SHROOM3: variants seen among roughly 807,000 people sequenced by gnomAD.
SHROOM3 encodes protein Shroom3.
SHROOM3 carries 47 observed loss-of-function variants against 138.6 expected under a neutral mutation model. The observed-to-expected ratio is 0.34, with a 90% confidence interval of 0.27 to 0.43. The LOEUF (loss-of-function observed/expected upper bound fraction) is 0.43. Ranked by LOEUF, SHROOM3 falls within the 20% of genes least tolerant of loss-of-function variation. SHROOM3 has a pLI of 1.00. For synonymous variants in SHROOM3, 1,062 were observed against 1,063.3 expected (o/e 1.00, Z 0.02); for missense variants, 2,491 against 2,596.5 (o/e 0.96, Z 0.88).
intron 1 of SHROOM3, among the ~76,000 whole-genome samples, chr4:76,469,134 G>A (rs757625690): frequency 2.6e-5 from 4 of 151,870 alleles, no homozygotes; most frequent in South Asian, 2.1e-4. Context: ...CCTGGGAGGC[G>A]GAATTGCAGT....
At chr4:76,505,660 C>CTTT (rs201633763) in intron 1 of SHROOM3, among the ~76,000 whole-genome samples, 2 of 135,788 alleles carry the variant, frequency 1.5e-5, no homozygotes, top group African/African-American at 5.4e-5. Context: ...GGTATTGTGA[C>CTTT]TTTTTTTTTT....
intron 2 of SHROOM3, among the ~76,000 whole-genome samples, chr4:76,650,947 G>A (rs1262544363): frequency 1.3e-5 from 2 of 152,122 alleles, no homozygotes; most frequent in Non-Finnish European, 2.9e-5. Context: ...GTACTATTTA[G>A]CCATGAAAAA....
At chr4:76,469,057 C>T (rs983997745) in intron 1 of SHROOM3, among the ~76,000 whole-genome samples, 2 of 150,894 alleles carry the variant, frequency 1.3e-5, no homozygotes, top group African/African-American at 2.4e-5. Flanking sequence ...AAAAAATTAG[C>T]CGGACATGGT....
chr4:76,686,454 TACA>T (rs1719340433), intron 2 of SHROOM3, among the ~76,000 whole-genome samples: 2 of 152,214 alleles, frequency 1.3e-5, no homozygotes, highest in Non-Finnish European at 2.9e-5. Context: ...TTTTTAAATA[TACA>T]ATTAATTAAA....
intron 2 of SHROOM3, among the ~76,000 whole-genome samples, chr4:76,583,040 T>G (rs1009271204): frequency 6.6e-6 from 1 of 152,162 alleles, no homozygotes; most frequent in Non-Finnish European, 1.5e-5. Context: ...GAGGAACAGA[T>G]GCGTTTGTTT....
chr4:76,606,013 T>A (rs200111308), intron 2 of SHROOM3, among the ~76,000 whole-genome samples: 13,781 of 100,052 alleles, frequency 0.14, 406 homozygotes, highest in East Asian at 0.23. Flanking sequence ...ATATATTTTT[T>A]TTTTTTTTTT....
At chr4:76,673,837 C>T (rs545108046) in intron 2 of SHROOM3, among the ~76,000 whole-genome samples, 6 of 152,282 alleles carry the variant, frequency 3.9e-5, no homozygotes, top group East Asian at 3.9e-4. Flanking sequence ...AAACAACCCC[C>T]GTGTCCCCAC....
At position 76,493,153 on chromosome 4, in the gene SHROOM3, G is replaced by A. The variant is rs550105587; in HGVS notation, c.168+56933G>A. On this transcript the variant is annotated intron_variant, in intron 1 of 10. Transcript: ENST00000296043. ...GGAGAATTGCTTGAACTCGAGAGGC[G>A]GCGGTTGCAGTGAGCCAAGATCGTG... 3.3e-5 allele frequency among the ~76,000 whole-genome samples: 5 copies of A among 150,176 alleles called. No individual in the cohort carries two copies. The East Asian group carries it at 7.8e-4, about 24-fold the overall frequency.
intron 1 of SHROOM3, among the ~76,000 whole-genome samples, chr4:76,520,747 GT>G (rs1295236052): frequency 8.5e-5 from 13 of 152,190 alleles, no homozygotes; most frequent in Non-Finnish European, 1.9e-4. Flanking sequence ...TGCCACTCAA[GT>G]TTTCATTAGC....
chr4:76,616,935 T>C (rs555753328), intron 2 of SHROOM3, among the ~76,000 whole-genome samples: 2 of 152,342 alleles, frequency 1.3e-5, no homozygotes, highest in South Asian at 4.1e-4. Context: ...ATAGTGAAGT[T>C]AAACACATAA....
chr4:76,770,566 C>T, intron 9 of SHROOM3, 60 bp from the exon 10 acceptor site: 1 of 1,603,560 alleles, frequency 6.2e-7, no homozygotes, highest in South Asian at 1.1e-5. Context: ...GGGGAGGTGA[C>T]TTCTGCTTCC....
chr4:76,582,849 A>G (rs1484814271), intron 2 of SHROOM3, among the ~76,000 whole-genome samples: 3 of 152,182 alleles, frequency 2.0e-5, no homozygotes, highest in African/African-American at 7.2e-5. Flanking sequence ...GCAGAGCCAG[A>G]AGGGAAAGCA....
chr4:76,441,294 C>T (rs990945883), intron 1 of SHROOM3, among the ~76,000 whole-genome samples: 7 of 151,962 alleles, frequency 4.6e-5, no homozygotes, highest in African/African-American at 1.5e-4. Flanking sequence ...AGGGTTTCGC[C>T]GTGTTAGCCA....
intron 1 of SHROOM3, among the ~76,000 whole-genome samples, chr4:76,503,128 T>C (rs1035991273): frequency 3.3e-5 from 5 of 151,586 alleles, no homozygotes; most frequent in Non-Finnish European, 5.9e-5. Flanking sequence ...CTTGGTCCTT[T>C]GCATTTTCAT....
intron 2 of SHROOM3, among the ~76,000 whole-genome samples, chr4:76,581,176 T>C (rs1330993542): frequency 6.6e-6 from 1 of 152,194 alleles, no homozygotes; most frequent in African/African-American, 2.4e-5. Flanking sequence ...GTTTTCCCTG[T>C]CTGGGATGTT....
intron 2 of SHROOM3, among the ~76,000 whole-genome samples, chr4:76,654,205 G>T (rs117952901): frequency 6.6e-6 from 1 of 152,124 alleles, no homozygotes; most frequent in Non-Finnish European, 1.5e-5. Context: ...TGCAGTTAAC[G>T]TCGAAGTGTA....
At position 76,770,866 on chromosome 4, in the gene SHROOM3, G is replaced by A. The variant is rs186699969; in HGVS notation, c.5590G>A (p.Gly1864Ser). 86 of 1,614,242 alleles carry A rather than the reference G, an allele frequency of 5.3e-5. No homozygotes were observed. The highest frequency in any genetic ancestry group is 2.0e-4 in the Admixed American group (12 of 60,026). The change falls in exon 10 of 11, where the codon GGC (glycine) becomes AGC (serine). Residue 1864 changes from glycine (G) to serine (S), a missense_variant. Physicochemically the swap from Gly to Ser is moderately conservative, Grantham distance 56. Transcript: ENST00000296043. ...RLARVENVLS[G>S]LGEDASNEER... ...AGCCCGTGTTGAGAATGTCCTTAGCGGCCTTGGTGAAGATGCCAGTAATGA... is the reference window on the plus strand; with the variant it reads ...AGCCCGTGTTGAGAATGTCCTTAGCAGCCTTGGTGAAGATGCCAGTAATGA...
At chr4:76,776,363 T>C (rs1057208111) in intron 10 of SHROOM3, among the ~76,000 whole-genome samples, 6 of 152,252 alleles carry the variant, frequency 3.9e-5, no homozygotes, top group African/African-American at 1.4e-4. Flanking sequence ...GTTGGATACA[T>C]AGTTTGCAAA....
At chr4:76,476,116 G>T (rs114113219) in intron 1 of SHROOM3, among the ~76,000 whole-genome samples, 217 of 152,326 alleles carry the variant, frequency 1.4e-3, no homozygotes, top group African/African-American at 5.0e-3. Context: ...AGCAGAATAT[G>T]TCTATGATCA....
Sources: gnomAD v4.1 joint callset for allele counts (sites outside exome capture counted in the v4.1 genomes callset) on GRCh38, gnomAD v4.1.1 for gene constraint, MANE v1.5 for transcripts, NCBI Gene and HGNC (gene_info 2026-07-23, HGNC 2026-07-21) for gene names.